Variants in BBOX1 observed in about 807,000 individuals in gnomAD.
The protein encoded by BBOX1 is gamma-butyrobetaine dioxygenase.
A neutral mutation model predicts 41.6 loss-of-function variants in BBOX1; 35 were observed. That is an observed-to-expected ratio of 0.84 (90% CI 0.64 to 1.11). BBOX1 has a LOEUF of 1.11. Among genes scored for constraint, BBOX1 ranks in the 50% most tolerant of loss-of-function variants. The pLI is 0.00. For synonymous variants in BBOX1, 163 were observed against 154.7 expected, an observed-to-expected ratio of 1.05 and a Z score of -0.40; for missense variants, 458 against 460.6, an observed-to-expected ratio of 0.99 and a Z score of 0.05.
At chr11:27,099,117 T>A (rs1043438260) in intron 5 of BBOX1, among the ~76,000 whole-genome samples, 1 of 151,944 alleles carries the variant, frequency 6.6e-6, no homozygotes, top group African/African-American at 2.4e-5. Context: ...TCAAAATTTA[T>A]CAGTCCATAA....
rs767288772 is a variant in BBOX1, at chr11:27,125,703, A to AGG, written c.888_889dup (p.Asp297GlyfsTer19). On this transcript the variant is annotated frameshift_variant, in exon 8 of 9. Transcript: ENST00000263182. LOFTEE classifies it high-confidence loss of function. ...TCGCATCAACTTCAATAACGCAACTAGGGACACAATATTTGATGTGCCTGT... is the reference window on the plus strand; with the variant it reads ...TCGCATCAACTTCAATAACGCAACTAGGGGGACACAATATTTGATGTGCCTGT... 2.5e-6 allele frequency: 4 copies of AGG among 1,609,074 alleles called. No individual in the cohort carries two copies. The highest frequency in any genetic ancestry group is 3.4e-6 in the Non-Finnish European group (4 of 1,177,206).
At chr11:27,078,446 T>C (rs1857710542) in intron 4 of BBOX1, among the ~76,000 whole-genome samples, 1 of 152,152 alleles carries the variant, frequency 6.6e-6, no homozygotes, top group Admixed American at 6.5e-5. Context: ...ACATTAGGTA[T>C]TTCTCCTAAT....
intron 5 of BBOX1, among the ~76,000 whole-genome samples, chr11:27,107,841 T>C (rs1034146978): frequency 6.6e-6 from 1 of 152,102 alleles, no homozygotes; most frequent in African/African-American, 2.4e-5. Context: ...CTGTGTTTTC[T>C]TGGAGAGTTG....
chr11:27,079,256 A>G (rs77809282), intron 4 of BBOX1, among the ~76,000 whole-genome samples: 4 of 152,180 alleles, frequency 2.6e-5, no homozygotes, highest in Admixed American at 1.3e-4. Flanking sequence ...TTTCACTTCA[A>G]TAGAATTAAA....
chr11:27,087,309 C>T (rs985920097), intron 4 of BBOX1, among the ~76,000 whole-genome samples: 1 of 151,974 alleles, frequency 6.6e-6, no homozygotes. Flanking sequence ...TAAGAAACTG[C>T]CACAGCCACC....
Position 27,077,289 on chromosome 11 carries a change from A to G in BBOX1, c.335-15879A>G, listed in dbSNP as rs137923702. On this transcript the variant is annotated intron_variant, in intron 4 of 8. Transcript: ENST00000263182. The stretch of plus-strand genomic sequence containing the variant: ...TTCCCACTGCTGCTCCTACTTTTAT[A>G]TTCCCTACCACTCCCTAAATCAGCT... Among the ~76,000 whole-genome samples, 881 of 152,110 alleles carry G rather than the reference A, an allele frequency of 5.8e-3. 14 individuals carry two copies. The highest frequency in any genetic ancestry group is 0.02 in the African/African-American group (820 of 41,492).
At chr11:27,052,213 A>C (rs1488229953) in intron 2 of BBOX1, among the ~76,000 whole-genome samples, 2 of 152,106 alleles carry the variant, frequency 1.3e-5, no homozygotes, top group Non-Finnish European at 2.9e-5. Flanking sequence ...TTTTTGTGAG[A>C]ATATAAACTG....
intron 2 of BBOX1, among the ~76,000 whole-genome samples, chr11:27,050,917 C>G (rs1262104152): frequency 6.6e-6 from 1 of 151,994 alleles, no homozygotes; most frequent in Non-Finnish European, 1.5e-5. Context: ...TGTTCCCAAT[C>G]TTAGAGGAAA....
intron 4 of BBOX1, among the ~76,000 whole-genome samples, chr11:27,074,560 A>C (rs1449758205): frequency 6.6e-6 from 1 of 152,192 alleles, no homozygotes; most frequent in Non-Finnish European, 1.5e-5. Context: ...CAGCAAGAAG[A>C]AAGGCAGCAT....
chr11:27,050,098 T>C (rs1469174707), intron 2 of BBOX1, among the ~76,000 whole-genome samples: 2 of 152,214 alleles, frequency 1.3e-5, no homozygotes, highest in African/African-American at 4.8e-5. Context: ...CTCCACCATT[T>C]GTTGAAGAGA....
intron 2 of BBOX1, among the ~76,000 whole-genome samples, chr11:27,045,627 T>G (rs568793793): frequency 7.9e-5 from 12 of 152,054 alleles, no homozygotes; most frequent in Non-Finnish European, 1.8e-4. Flanking sequence ...TTATTGAGAG[T>G]TTTTAGCATG....
intron 4 of BBOX1, among the ~76,000 whole-genome samples, chr11:27,075,250 G>T (rs1156473496): frequency 6.6e-6 from 1 of 152,094 alleles, no homozygotes; most frequent in African/African-American, 2.4e-5. Context: ...TCTCATTATA[G>T]TCTTTGTATG....
chr11:27,065,693 T>G (rs2133981307), intron 4 of BBOX1, among the ~76,000 whole-genome samples: 1 of 152,308 alleles, frequency 6.6e-6, no homozygotes, highest in African/African-American at 2.4e-5. Context: ...ACATACCACA[T>G]GTTCAGATAT....
At chr11:27,124,745 C>T (rs1427934965) in intron 7 of BBOX1, among the ~76,000 whole-genome samples, 1 of 152,142 alleles carries the variant, frequency 6.6e-6, no homozygotes, top group Non-Finnish European at 1.5e-5. Context: ...TGTCCTCGAG[C>T]TCCTGACCTC....
rs1258666730 is a variant in BBOX1, at chr11:27,051,894, AT to A, written c.-38-3498del. On this transcript the variant is annotated intron_variant, in intron 2 of 8. Coordinates refer to ENST00000263182, the MANE Select transcript of BBOX1 (RefSeq NM_003986.3). The stretch of plus-strand genomic sequence containing the variant: ...TGTAAAGCTAGATTGTTTATTTAAG[AT>A]CTTTTTTTATTTTTTATGAAGGCAT... Among the ~76,000 whole-genome samples the A allele has an allele frequency of 5.3e-5, 8 of 150,944 alleles. No individual in the cohort carries two copies. The East Asian group carries it at 1.6e-3, about 30-fold the overall frequency.
At chr11:27,057,340 T>G in intron 4 of BBOX1, 25 bp downstream of exon 4, 1 of 1,555,058 alleles carries the variant, frequency 6.4e-7, no homozygotes, top group Non-Finnish European at 8.9e-7. Flanking sequence ...GTCTTCAATG[T>G]CTTTTTAAAC....
In BBOX1 at chr11:27,092,259, T is replaced by C. The variant is rs144325712; in HGVS notation, c.335-909T>C. The stretch of plus-strand genomic sequence containing the variant: ...AAAAGAAGAGCATTGCTCACAATGA[T>C]ATTGAGATCGCAAGTTCTCATTCTG... On this transcript the variant is annotated intron_variant, in intron 4 of 8. Coordinates refer to ENST00000263182, the MANE Select transcript of BBOX1 (RefSeq NM_003986.3). 2.0e-5 allele frequency among the ~76,000 whole-genome samples: 3 copies of C among 152,058 alleles called. No individual in the cohort carries two copies. The East Asian group carries it at 5.8e-4, about 30-fold the overall frequency.
intron 4 of BBOX1, among the ~76,000 whole-genome samples, chr11:27,075,596 C>T (rs1299929489): frequency 1.2e-4 from 19 of 152,272 alleles, no homozygotes. Flanking sequence ...CAATCCACCT[C>T]CCAGTCACAC....
At chr11:27,083,993 A>G (rs1857942733) in intron 4 of BBOX1, among the ~76,000 whole-genome samples, 2 of 152,094 alleles carry the variant, frequency 1.3e-5, no homozygotes. Flanking sequence ...CACTTGTCAC[A>G]TACATGTCAG....
Sources: gnomAD v4.1 joint callset for allele counts (sites outside exome capture counted in the v4.1 genomes callset) on GRCh38, gnomAD v4.1.1 for gene constraint, MANE v1.5 for transcripts, NCBI Gene and HGNC (gene_info 2026-07-23, HGNC 2026-07-21) for gene names.